Variants in PUM2 observed in about 807,000 individuals in gnomAD.
The protein encoded by PUM2 is pumilio RNA binding family member 2.
PUM2 carries 57 observed loss-of-function variants against 124.5 expected under a neutral mutation model. The observed-to-expected ratio is 0.46, with a 90% CI of 0.37 to 0.57. The LOEUF (loss-of-function observed/expected upper bound fraction) is 0.57. Ranked by LOEUF, PUM2 falls within the 20% of genes least tolerant of loss-of-function variation. The pLI is 0.00. For missense variants in PUM2, 1,065 were observed against 1,290.6 expected (o/e 0.83, Z 2.68); for synonymous variants, 460 against 446.1 (o/e 1.03, Z -0.39).
intron 3 of PUM2, among the ~76,000 whole-genome samples, chr2:20,316,442 T>G (rs1680953739): frequency 6.6e-6 from 1 of 151,910 alleles, no homozygotes; most frequent in Admixed American, 6.6e-5. Context: ...CATCCAAAAA[T>G]TTGTTTTCAT....
intron 13 of PUM2, among the ~76,000 whole-genome samples, chr2:20,264,655 G>A (rs1228422418): frequency 6.6e-6 from 1 of 151,896 alleles, no homozygotes; most frequent in Non-Finnish European, 1.5e-5. Context: ...ATACACATTA[G>A]TAGAGTTCAG....
intron 14 of PUM2, among the ~76,000 whole-genome samples, chr2:20,262,543 C>A (rs978447015): frequency 3.9e-5 from 6 of 152,166 alleles, no homozygotes; most frequent in African/African-American, 1.4e-4. Flanking sequence ...TAGAACGTAT[C>A]CCCGTCATTA....
At chr2:20,294,331 A>C (rs1170718694) in intron 9 of PUM2, 45 bp downstream of exon 9, 20 of 1,593,866 alleles carry the variant, frequency 1.3e-5, no homozygotes, top group Non-Finnish European at 1.7e-5. Context: ...GAGCTCAAAG[A>C]ATTTCAAAGA....
At chr2:20,336,746 A>ATGTG (rs1491533264) in intron 1 of PUM2, among the ~76,000 whole-genome samples, 14 of 87,378 alleles carry the variant, frequency 1.6e-4, no homozygotes, top group Non-Finnish European at 2.9e-4. Flanking sequence ...GCCCAGGCTG[A>ATGTG]TCTGTGTGTG....
intron 1 of PUM2, among the ~76,000 whole-genome samples, chr2:20,339,940 G>C (rs111456200): frequency 5.9e-5 from 9 of 151,358 alleles, no homozygotes; most frequent in African/African-American, 2.2e-4. Context: ...ATTTATAAAT[G>C]TCATTTCATC....
At position 20,263,296 on chromosome 2, in the gene PUM2, T is replaced by C. The variant is rs1261816293; in HGVS notation, c.2122A>G (p.Ser708Gly). 6.2e-7 allele frequency: 1 copy of C among 1,613,946 alleles called. No homozygotes were observed. Reference protein sequence around the residue: ...NRSDIMPSGRSRLLEDFRNNR... With the variant: ...NRSDIMPSGRGRLLEDFRNNR... ...TTTCTGAAATCTTCCAATAATCTAC[T>C]GCGGCCAGAAGGCATAATATCAGAC... The change falls in exon 14 of 21, where the codon AGT becomes GGT. Residue 708 changes from serine (S) to glycine (G), a missense_variant. By Grantham distance (56) the Ser-to-Gly change is moderately conservative. This residue lies in a region of PUM2 where 968 missense variants were observed against 1,159.8 expected (regional missense o/e 0.83). Coordinates refer to ENST00000361078, the MANE Select transcript of PUM2 (RefSeq NM_015317.5).
At chr2:20,275,528 A>T (rs976754369) in intron 13 of PUM2, among the ~76,000 whole-genome samples, 2 of 152,120 alleles carry the variant, frequency 1.3e-5, no homozygotes, top group Non-Finnish European at 2.9e-5. Flanking sequence ...ATCATTTTGC[A>T]ACCTCTGGAA....
At chr2:20,342,296 A>C (rs959099853) in intron 1 of PUM2, among the ~76,000 whole-genome samples, 11 of 152,208 alleles carry the variant, frequency 7.2e-5, no homozygotes. Context: ...CTCCTTATTC[A>C]CCAACTCAGT....
intron 14 of PUM2, among the ~76,000 whole-genome samples, chr2:20,261,794 A>G (rs143940939): frequency 3.9e-5 from 6 of 152,334 alleles, no homozygotes; most frequent in Non-Finnish European, 7.3e-5. Context: ...TACAAAGGAA[A>G]TATTTTCGTA....
chr2:20,268,703 C>T (rs976903188), intron 13 of PUM2, among the ~76,000 whole-genome samples: 1 of 152,020 alleles, frequency 6.6e-6, no homozygotes, highest in Non-Finnish European at 1.5e-5. Flanking sequence ...AGGGTGAATG[C>T]TGAAATAAAA....
intron 4 of PUM2, among the ~76,000 whole-genome samples, 170 bp from the exon 5 acceptor site, chr2:20,311,833 T>C (rs952642772): frequency 3.9e-5 from 6 of 152,156 alleles, no homozygotes; most frequent in Non-Finnish European, 8.8e-5. Flanking sequence ...GCGTACAAAC[T>C]AGTGATTTAT....
At chr2:20,303,073 G>A (rs1453686422) in intron 7 of PUM2, among the ~76,000 whole-genome samples, 2 of 152,030 alleles carry the variant, frequency 1.3e-5, no homozygotes, top group African/African-American at 4.8e-5. Context: ...ATCCCCTAAG[G>A]CCTTTCTAAT....
chr2:20,316,791 G>T (rs1054821672), intron 3 of PUM2, among the ~76,000 whole-genome samples: 4 of 152,124 alleles, frequency 2.6e-5, no homozygotes, highest in Admixed American at 1.3e-4. Context: ...CAGCACTCTG[G>T]GTGGCTGAGG....
chr2:20,349,168 T>TA (rs1688824304), intron 1 of PUM2, among the ~76,000 whole-genome samples: 2 of 152,212 alleles, frequency 1.3e-5, no homozygotes, highest in Admixed American at 1.3e-4. Flanking sequence ...AAGCATGTGT[T>TA]AAACACAGCT....
At chr2:20,283,781 A>G (rs1025200216) in intron 10 of PUM2, among the ~76,000 whole-genome samples, 6 of 150,572 alleles carry the variant, frequency 4.0e-5, no homozygotes, top group Admixed American at 1.3e-4. Flanking sequence ...CTGATATTAG[A>G]AAAAAAAAAT....
intron 15 of PUM2, among the ~76,000 whole-genome samples, 196 bp from the exon 16 acceptor site, chr2:20,258,567 C>A (rs909462382): frequency 2.7e-5 from 4 of 147,378 alleles, no homozygotes; most frequent in African/African-American, 9.9e-5. Context: ...TTAAGTCTTA[C>A]TAAAATTTCC....
At chr2:20,324,767 C>T (rs973368085) in intron 2 of PUM2, among the ~76,000 whole-genome samples, 8 of 152,200 alleles carry the variant, frequency 5.3e-5, no homozygotes, top group African/African-American at 1.7e-4. Flanking sequence ...CTGATGATGG[C>T]TCAGTAAAGA....
At chr2:20,264,291 C>T (rs1373356750) in intron 13 of PUM2, among the ~76,000 whole-genome samples, 1 of 119,768 alleles carries the variant, frequency 8.3e-6, no homozygotes, top group Non-Finnish European at 1.6e-5. Flanking sequence ...GAACCAAGAT[C>T]ACACTACTGC....
At chr2:20,273,745 C>G (rs1669559490) in intron 13 of PUM2, among the ~76,000 whole-genome samples, 1 of 152,096 alleles carries the variant, frequency 6.6e-6, no homozygotes, top group Non-Finnish European at 1.5e-5. Context: ...GGGTGTGCTG[C>G]TCTATACACA....
Sources: allele counts gnomAD v4.1 joint callset (sites outside exome capture counted in the v4.1 genomes callset), GRCh38; gene constraint gnomAD v4.1.1; regional missense constraint gnomAD v4.1.1; transcripts MANE v1.5; gene names NCBI Gene and HGNC (gene_info 2026-07-23, HGNC 2026-07-21).